The following CTBS variants were observed in gnomAD, a reference collection of about 807,000 sequenced individuals.
CTBS encodes the protein chitobiase.
Under a neutral mutation model 44.3 loss-of-function variants are expected in CTBS, and 35 were observed. That is an observed-to-expected ratio of 0.79 (90% CI 0.60 to 1.05). The LOEUF is 1.05. Among genes scored for constraint, CTBS ranks in the 50% least tolerant of loss-of-function variants. The pLI, the probability that CTBS is intolerant of heterozygous loss-of-function variation, is 0.00. For synonymous variants in CTBS, 143 were observed against 168.0 expected, an observed-to-expected ratio of 0.85 and a Z score of 1.15; for missense variants, 458 against 475.3, an observed-to-expected ratio of 0.96 and a Z score of 0.34.
In CTBS at chr1:84,553,864, C is replaced by A. The variant is rs1045671832; in HGVS notation, c.*1135G>T. On this transcript the variant is annotated 3_prime_UTR_variant, in exon 7 of 7. Transcript: ENST00000370630. Reference sequence around the variant, plus strand: ...ATCTGTAATTAGGAACTAATAAGGGCAGCACAATGTTGTTCTTAATTCCCT... The same window carrying A: ...ATCTGTAATTAGGAACTAATAAGGGAAGCACAATGTTGTTCTTAATTCCCT... 2.0e-5 allele frequency: 3 copies of A among 152,102 alleles called. No homozygotes were observed. The highest frequency in any genetic ancestry group is 4.4e-5 in the Non-Finnish European group (3 of 68,010). 9.4% of individuals were successfully genotyped at this position (152,102 alleles called of 1,614,324 possible).
rs191978576 is a variant in CTBS, at chr1:84,551,166, A to C, written c.*3833T>G. 49 of 985,286 alleles carry C rather than the reference A, an allele frequency of 5.0e-5. No individual in the cohort carries two copies. Among genetic ancestry groups the C allele is most frequent in the Non-Finnish European group, 5.4e-5 (45 of 829,840 alleles). The allele number at this position is 985,286 out of a possible 1,614,324, so 61.0% of individuals were successfully genotyped here. A position where few individuals can be genotyped will look rare whatever the true frequency, so the allele number is the denominator to read the frequency against. On this transcript the variant is annotated 3_prime_UTR_variant, in exon 7 of 7. Coordinates refer to ENST00000370630, the MANE Select transcript of CTBS (RefSeq NM_004388.3). Reference sequence around the variant, plus strand: ...ATTAAAAAGCTTTTTTGTTGAACAGAAAACAGAAGATTATACATTTTCATA... The same window carrying C: ...ATTAAAAAGCTTTTTTGTTGAACAGCAAACAGAAGATTATACATTTTCATA...
chr1:84,567,027 T>C (rs1480703915), intron 3 of CTBS, among the ~76,000 whole-genome samples: 2 of 152,246 alleles, frequency 1.3e-5, no homozygotes, highest in Non-Finnish European at 2.9e-5. Context: ...ATTTTATACA[T>C]GTACAAATGT....
chr1:84,568,865 G>C (rs776586129), intron 3 of CTBS, among the ~76,000 whole-genome samples: 1 of 152,054 alleles, frequency 6.6e-6, no homozygotes, highest in Non-Finnish European at 1.5e-5. Context: ...CACCATGACT[G>C]TAAGTTTTCC....
rs1281982669 is a variant in CTBS at position 84,553,562 on chromosome 1, G to T, written c.*1437C>A. 1 of 152,086 alleles carries T rather than the reference G, an allele frequency of 6.6e-6. No homozygotes were observed. The highest frequency in any genetic ancestry group is 2.4e-5 in the African/African-American group (1 of 41,420). The allele number at this position is 152,086 out of a possible 1,614,324, so 9.4% of individuals were successfully genotyped here. A position where few individuals can be genotyped will look rare whatever the true frequency, so the allele number is the denominator to read the frequency against. On this transcript the variant is annotated 3_prime_UTR_variant, in exon 7 of 7. Coordinates refer to ENST00000370630, the MANE Select transcript of CTBS (RefSeq NM_004388.3). Reference sequence around the variant, plus strand: ...TTAAAAGAAATCTGGAAATATAAAAGAATGGGGGTATTGAAGTTGCATTCT... The same window carrying T: ...TTAAAAGAAATCTGGAAATATAAAATAATGGGGGTATTGAAGTTGCATTCT...
At chr1:84,558,673 G>A (rs1292268131) in intron 6 of CTBS, among the ~76,000 whole-genome samples, 1 of 151,672 alleles carries the variant, frequency 6.6e-6, no homozygotes, top group Non-Finnish European at 1.5e-5. Flanking sequence ...GGCCAAGGTG[G>A]GAGAATCACT....
intron 1 of CTBS, 43 bp from the exon 2 acceptor site, chr1:84,570,763 T>C (rs1164437118): frequency 6.3e-7 from 1 of 1,591,204 alleles, no homozygotes; most frequent in East Asian, 2.2e-5. Flanking sequence ...ACCAAGAATA[T>C]TATGCTGACC....
intron 3 of CTBS, among the ~76,000 whole-genome samples, chr1:84,567,328 T>C (rs562665807): frequency 9.5e-4 from 145 of 152,226 alleles, no homozygotes; most frequent in Admixed American, 2.4e-3. Context: ...GAGAGGTATA[T>C]TATAGTAATA....
At chr1:84,574,098 G>C in intron 1 of CTBS, 141 bp downstream of exon 1, 1 of 1,467,340 alleles carries the variant, frequency 6.8e-7, no homozygotes, top group Non-Finnish European at 9.0e-7. Context: ...TAAATTGAAG[G>C]ATCCGTAAAC....
In CTBS at chr1:84,551,485, T is replaced by C. The variant is rs1425452328; in HGVS notation, c.*3514A>G. The C allele has an allele frequency of 1.2e-5, 2 of 169,986 alleles. No homozygotes were observed. Among genetic ancestry groups the C allele is most frequent in the African/African-American group, 4.8e-5 (2 of 41,752 alleles). 10.5% of individuals were successfully genotyped at this position (169,986 alleles called of 1,614,324 possible). A position where few individuals can be genotyped will look rare whatever the true frequency, so the allele number is the denominator to read the frequency against. On this transcript the variant is annotated 3_prime_UTR_variant, in exon 7 of 7. Coordinates refer to ENST00000370630, the MANE Select transcript of CTBS (RefSeq NM_004388.3). ...CAGATTGGTACCCACTAGCCACCTA[T>C]TGATATTGAGCACTTGAAATGTAGT...
At chr1:84,560,423 C>G (rs546435686) in intron 6 of CTBS, among the ~76,000 whole-genome samples, 1 of 152,318 alleles carries the variant, frequency 6.6e-6, no homozygotes, top group African/African-American at 2.4e-5. Flanking sequence ...AGCTCATGCC[C>G]TTTATTCTGA....
At chr1:84,566,635 T>C (rs1404054985) in intron 3 of CTBS, among the ~76,000 whole-genome samples, 1 of 152,204 alleles carries the variant, frequency 6.6e-6, no homozygotes, top group Non-Finnish European at 1.5e-5. Flanking sequence ...TTGAGTATTA[T>C]CTTTCTTTTT....
At position 84,563,842 on chromosome 1, in the gene CTBS, C is replaced by T; in HGVS notation, c.698-10G>A. The T allele has an allele frequency of 6.3e-7, 1 of 1,595,422 alleles. No homozygotes were observed. The highest frequency in any genetic ancestry group is 1.1e-5 in the South Asian group (1 of 87,764). On this transcript the variant is annotated splice_polypyrimidine_tract_variant and intron_variant, in intron 4 of 6. Coordinates refer to ENST00000370630, the MANE Select transcript of CTBS (RefSeq NM_004388.3). ...ATGTAGTCATTATATCCTAGTCAAG[C>T]AGGAGAGAAAAAGCATATTTGTTTC...
Position 84,553,280 on chromosome 1 carries a change from A to G in CTBS, c.*1719T>C, listed in dbSNP as rs1406424181. 8 of 462,244 alleles carry G rather than the reference A, an allele frequency of 1.7e-5. No individual in the cohort carries two copies. Among genetic ancestry groups the G allele is most frequent in the Non-Finnish European group, 3.1e-5 (8 of 258,172 alleles). The allele number at this position is 462,244 out of a possible 1,614,324, so 28.6% of individuals were successfully genotyped here. A position where few individuals can be genotyped will look rare whatever the true frequency, so the allele number is the denominator to read the frequency against. On this transcript the variant is annotated 3_prime_UTR_variant, in exon 7 of 7. Transcript: ENST00000370630. ...GGTATTACAAAATGTTTCAGGAAAT[A>G]TTAGATGTAATATAAAGCAAAATGA...
Position 84,569,916 on chromosome 1 carries a change from TAAA to T in CTBS, c.525+12_525+14del. On this transcript the variant is annotated intron_variant, in intron 3 of 6. Transcript: ENST00000370630. The stretch of plus-strand genomic sequence containing the variant: ...TGGAAAATATGAGGTTTCCAAAAAA[TAAA>T]TGAGTTTTTACCTGTGATCCCTCAA... 1 of 1,604,210 alleles carries T rather than the reference TAAA, an allele frequency of 6.2e-7. No homozygotes were observed. The highest frequency in any genetic ancestry group is 8.5e-7 in the Non-Finnish European group (1 of 1,175,490).
At position 84,553,718 on chromosome 1, in the gene CTBS, T is replaced by C. The variant is rs540819156; in HGVS notation, c.*1281A>G. ...ACTCTGTCACAAACAATTGTGTAAA[T>C]AGGAAATGTAATATTCTCATAACAG... On this transcript the variant is annotated 3_prime_UTR_variant, in exon 7 of 7. Coordinates refer to ENST00000370630, the MANE Select transcript of CTBS (RefSeq NM_004388.3). 7.9e-5 allele frequency: 12 copies of C among 152,266 alleles called. No homozygotes were observed. The highest frequency in any genetic ancestry group is 1.4e-4 in the African/African-American group (6 of 41,546). The allele number at this position is 152,266 out of a possible 1,614,324, so 9.4% of individuals were successfully genotyped here.
Position 84,550,671 on chromosome 1 carries a change from A to G in CTBS, c.*4328T>C. On this transcript the variant is annotated 3_prime_UTR_variant, in exon 7 of 7. Transcript: ENST00000370630. ...AATTGTTACCTTAACAGTAAAGAGC[A>G]TAGGTGAAAAAAAAAATGCAGGAAG... The G allele has an allele frequency of 1.1e-5, 13 of 1,219,420 alleles. No homozygotes were observed. Among genetic ancestry groups the G allele is most frequent in the Non-Finnish European group, 1.2e-5 (12 of 969,492 alleles). The allele number at this position is 1,219,420 out of a possible 1,614,324, so 75.5% of individuals were successfully genotyped here. A position where few individuals can be genotyped will look rare whatever the true frequency, so the allele number is the denominator to read the frequency against.
intron 2 of CTBS, 128 bp from the exon 3 acceptor site, chr1:84,570,267 A>G (rs754410464): frequency 2.7e-6 from 2 of 736,272 alleles, no homozygotes; most frequent in East Asian, 2.7e-5. Flanking sequence ...GCCATTACTC[A>G]TGAATCTCCA....
Position 84,550,548 on chromosome 1 carries a change from TA to T in CTBS, c.*4450del. On this transcript the variant is annotated 3_prime_UTR_variant, in exon 7 of 7. Coordinates refer to ENST00000370630, the MANE Select transcript of CTBS (RefSeq NM_004388.3). The stretch of plus-strand genomic sequence containing the variant: ...AAGTTAAGGTAATTTACATTTTTCC[TA>T]ATCAGATTATTATAACATTTATCTT... 1 of 1,496,160 alleles carries T rather than the reference TA, an allele frequency of 6.7e-7. No individual in the cohort carries two copies. Among genetic ancestry groups the T allele is most frequent in the Non-Finnish European group, 8.9e-7 (1 of 1,119,330 alleles). The allele number at this position is 1,496,160 out of a possible 1,614,324, so 92.7% of individuals were successfully genotyped here.
intron 6 of CTBS, among the ~76,000 whole-genome samples, chr1:84,557,464 C>T (rs1285681685): frequency 2.6e-4 from 34 of 131,930 alleles, no homozygotes; most frequent in Admixed American, 2.7e-4. Context: ...ACCTGGGAGG[C>T]GGAGGGCGCA....
Sources: allele counts gnomAD v4.1 joint callset (sites outside exome capture counted in the v4.1 genomes callset), GRCh38; gene constraint gnomAD v4.1.1; transcripts MANE v1.5; gene names NCBI Gene and HGNC (gene_info 2026-07-23, HGNC 2026-07-21).